The following CTNNA2 variants were observed in gnomAD, a reference collection of about 807,000 sequenced individuals.
CTNNA2 encodes the protein catenin alpha-2.
A neutral mutation model predicts 101.0 loss-of-function variants in CTNNA2; 42 were observed. The ratio of observed to expected loss-of-function variants is 0.42; its 90% CI spans 0.32 to 0.54. The LOEUF is 0.54. Among genes scored for constraint, CTNNA2 ranks in the 20% least tolerant of loss-of-function variants. CTNNA2 has a pLI of 0.14. For missense variants in CTNNA2, 871 were observed against 1,223.1 expected (o/e 0.71, Z 4.29); for synonymous variants, 450 against 456.4 (o/e 0.99, Z 0.18).
At chr2:80,214,946 T>G (rs1708161044) in intron 7 of CTNNA2, among the ~76,000 whole-genome samples, 1 of 152,196 alleles carries the variant, frequency 6.6e-6, no homozygotes. Flanking sequence ...TCTTGGAGCC[T>G]TTGTTCGTTT....
intron 7 of CTNNA2, among the ~76,000 whole-genome samples, chr2:79,972,723 G>A (rs1690570042): frequency 6.6e-6 from 1 of 152,154 alleles, no homozygotes; most frequent in African/African-American, 2.4e-5. Flanking sequence ...TTAGGGAAGT[G>A]GATCTTCAGG....
rs1671313631 is a variant in CTNNA2, at chr2:79,501,052, C to T, written c.-134-4002C>T. ...ATGTAACAAGGCTCCTGAATTAGAC[C>T]TCTAAATTACAGTCTATTGTTTTAA... is the stretch of plus-strand genomic sequence containing the variant. On this transcript the variant is annotated intron_variant, in intron 4 of 21. Transcript: ENST00000466387. Among the ~76,000 whole-genome samples, 4 of 152,172 alleles carry T rather than the reference C, an allele frequency of 2.6e-5. No homozygotes were observed. The South Asian group carries it at 8.3e-4, about 32-fold the overall frequency.
intron 7 of CTNNA2, among the ~76,000 whole-genome samples, chr2:80,285,922 T>C (rs1209674765): frequency 6.6e-6 from 1 of 152,184 alleles, no homozygotes; most frequent in East Asian, 1.9e-4. Context: ...TTTTTTCTTT[T>C]CAAAATTGCA....
At position 80,093,273 on chromosome 2, in the gene CTNNA2, C is replaced by G. The variant is rs190305101; in HGVS notation, c.1056+183476C>G. Among the ~76,000 whole-genome samples, 1,062 of 151,956 alleles carry G rather than the reference C, an allele frequency of 7.0e-3. 10 individuals carry two copies. The highest frequency in any genetic ancestry group is 0.024 in the African/African-American group (975 of 41,444). ...TGAGGTGTTTGGTTTTTTGTCCTTGCGATAGTTTGCTGAGAATGATGGTTT... is the reference window on the plus strand; with the variant it reads ...TGAGGTGTTTGGTTTTTTGTCCTTGGGATAGTTTGCTGAGAATGATGGTTT... On this transcript the variant is annotated intron_variant, in intron 7 of 18. Coordinates refer to ENST00000402739, the MANE Select transcript of CTNNA2 (RefSeq NM_001282597.3).
intron 7 of CTNNA2, among the ~76,000 whole-genome samples, chr2:80,318,777 G>A (rs1157160208): frequency 6.6e-6 from 1 of 152,090 alleles, no homozygotes; most frequent in Non-Finnish European, 1.5e-5. Context: ...GTGAAGCTGG[G>A]CCTTTCAACA....
intron 3 of CTNNA2, among the ~76,000 whole-genome samples, chr2:79,354,164 G>GT (rs1414780143): frequency 6.6e-6 from 1 of 151,932 alleles, no homozygotes; most frequent in Non-Finnish European, 1.5e-5. Flanking sequence ...GGGGATGATT[G>GT]TTTTTTATAG....
intron 7 of CTNNA2, among the ~76,000 whole-genome samples, chr2:80,362,397 T>C (rs1033700030): frequency 6.6e-6 from 1 of 152,116 alleles, no homozygotes; most frequent in Non-Finnish European, 1.5e-5. Flanking sequence ...ATTATTTACT[T>C]TTTCTTTTTT....
chr2:80,195,171 A>G (rs1706754179), intron 7 of CTNNA2, among the ~76,000 whole-genome samples: 2 of 152,122 alleles, frequency 1.3e-5, no homozygotes, highest in African/African-American at 4.8e-5. Flanking sequence ...ATGTATGAGT[A>G]TTCTCTTGGT....
chr2:80,319,238 A>G lies in CTNNA2; in HGVS notation c.1057-73973A>G, dbSNP rs1367762489. 2.6e-5 allele frequency among the ~76,000 whole-genome samples: 4 copies of G among 152,216 alleles called. No homozygotes were observed. The South Asian group carries it at 6.2e-4, about 24-fold the overall frequency. On this transcript the variant is annotated intron_variant, in intron 7 of 18. Transcript: ENST00000402739. Reference sequence around the variant, plus strand: ...AAATTCATCAACTACTTTTAATATAATTGGTATTTGAAGGATGTCTACCAA... The same window carrying G: ...AAATTCATCAACTACTTTTAATATAGTTGGTATTTGAAGGATGTCTACCAA...
intron 2 of CTNNA2, among the ~76,000 whole-genome samples, chr2:79,204,735 C>T (rs1488451604): frequency 2.0e-5 from 3 of 152,198 alleles, no homozygotes; most frequent in African/African-American, 4.8e-5. Flanking sequence ...TTGGTGAGGG[C>T]TGTATCCTAC....
chr2:80,502,341 C>T (rs1472442159), intron 9 of CTNNA2, among the ~76,000 whole-genome samples: 1 of 152,128 alleles, frequency 6.6e-6, no homozygotes, highest in Non-Finnish European at 1.5e-5. Flanking sequence ...CAGAGAAATA[C>T]TTATGGTATG....
At chr2:80,546,456 AGTTTT>A (rs1001939963) in intron 11 of CTNNA2, among the ~76,000 whole-genome samples, 11 of 152,220 alleles carry the variant, frequency 7.2e-5, no homozygotes, top group South Asian at 2.1e-4. Flanking sequence ...GGCTATGTTA[AGTTTT>A]GTTTTGTTTT....
intron 2 of CTNNA2, among the ~76,000 whole-genome samples, chr2:79,250,142 A>G (rs549548637): frequency 5.9e-5 from 9 of 152,260 alleles, no homozygotes; most frequent in African/African-American, 2.2e-4. Context: ...TTTAGCCTCT[A>G]TGTCACCCTT....
intron 2 of CTNNA2, among the ~76,000 whole-genome samples, chr2:79,275,824 T>C (rs2104315759): frequency 6.6e-6 from 1 of 151,830 alleles, no homozygotes; most frequent in South Asian, 2.1e-4. Context: ...TAGATAAAAA[T>C]CCCTGCCCTC....
chr2:80,256,239 T>G (rs1206201690), intron 7 of CTNNA2, among the ~76,000 whole-genome samples: 1 of 152,048 alleles, frequency 6.6e-6, no homozygotes, highest in East Asian at 1.9e-4. Context: ...TTTTCCCCTG[T>G]GTCAGGGGAA....
chr2:79,817,922 A>G (rs1192023573), intron 3 of CTNNA2, among the ~76,000 whole-genome samples: 1 of 152,220 alleles, frequency 6.6e-6, no homozygotes, highest in Non-Finnish European at 1.5e-5. Flanking sequence ...TCCCAAAAGG[A>G]GAGCTTTATG....
chr2:79,222,678 C>T lies in CTNNA2; in HGVS notation c.-406+24602C>T, dbSNP rs529552573. On this transcript the variant is annotated intron_variant, in intron 2 of 21. Coordinates refer to the CTNNA2 transcript ENST00000466387. ...CCTGCCTTCTTTTCTTCCTGTCTTCCTTTATTCTCTCTCTCTCTCTCTCTG... is the reference window on the plus strand; with the variant it reads ...CCTGCCTTCTTTTCTTCCTGTCTTCTTTTATTCTCTCTCTCTCTCTCTCTG... Among the ~76,000 whole-genome samples, 240 of 151,874 alleles carry T rather than the reference C, an allele frequency of 1.6e-3. 1 individual carries two copies. The highest frequency in any genetic ancestry group is 5.6e-3 in the African/African-American group (234 of 41,502).
intron 12 of CTNNA2, among the ~76,000 whole-genome samples, chr2:80,570,193 C>T (rs1465363964): frequency 1.3e-5 from 2 of 152,104 alleles, no homozygotes; most frequent in Non-Finnish European, 2.9e-5. Context: ...GGATTACAGG[C>T]ACCTGCCACC....
intron 15 of CTNNA2, 69 bp from the exon 16 acceptor site, chr2:80,604,004 AG>A: frequency 7.6e-7 from 1 of 1,309,338 alleles, no homozygotes; most frequent in Non-Finnish European, 1.1e-6. Context: ...TCCTGGACAA[AG>A]GATATGGTAG....
Sources: allele counts gnomAD v4.1 joint callset (sites outside exome capture counted in the v4.1 genomes callset), GRCh38; gene constraint gnomAD v4.1.1; transcripts MANE v1.5; gene names NCBI Gene and HGNC (gene_info 2026-07-23, HGNC 2026-07-21).